Variants in ITPKB observed in about 807,000 individuals in gnomAD.
The protein encoded by ITPKB is IP3 3-kinase B.
ITPKB carries 13 observed loss-of-function variants against 69.4 expected under a neutral mutation model. The ratio of observed to expected loss-of-function variants is 0.19; its 90% CI spans 0.12 to 0.30. The LOEUF (loss-of-function observed/expected upper bound fraction) is 0.30, where lower values mean the gene tolerates loss of function less well. Ranked by LOEUF, ITPKB falls within the 10% of genes least tolerant of loss-of-function variation. The pLI is 1.00. For missense variants in ITPKB, 1,240 were observed against 1,250.5 expected (o/e 0.99, Z 0.13); for synonymous variants, 584 against 513.7 (o/e 1.14, Z -1.85).
At chr1:226,638,036 G>T (rs906781890) in intron 6 of ITPKB, among the ~76,000 whole-genome samples, 1 of 152,216 alleles carries the variant, frequency 6.6e-6, no homozygotes, top group African/African-American at 2.4e-5. Context: ...GCTGGCCTTG[G>T]GGGGTGCCCC....
chr1:226,716,430 G>A (rs1417430122), intron 2 of ITPKB, among the ~76,000 whole-genome samples: 1 of 151,788 alleles, frequency 6.6e-6, no homozygotes, highest in Admixed American at 6.6e-5. Context: ...TTTATTTGAA[G>A]TTCTAGGATA....
chr1:226,648,831 G>A, intron 2 of ITPKB, 60 bp from the exon 3 acceptor site: 2 of 1,216,878 alleles, frequency 1.6e-6, no homozygotes, highest in South Asian at 1.2e-5. Context: ...TTCTGGTTAG[G>A]ACAAATTCAA....
rs56095953 is a variant in ITPKB at position 226,735,695 on chromosome 1, G to A, written c.1764C>T (p.Ser588=). The A allele has an allele frequency of 9.9e-3, 15,802 of 1,597,684 alleles. 710 individuals are homozygous for A. Among genetic ancestry groups the A allele is most frequent in the Admixed American group, 0.097 (5,603 of 57,616 alleles). ...EDGALEETQG[S]PRGNLPLRKL... ...TCCTCAGGGGCAGGTTGCCCCGAGG[G>A]CTTCCCTGCGTCTCCTCCAAGGCCC... The change falls in exon 2 of 8, where the codon AGC becomes AGT. Residue 588 remains serine (S), a synonymous_variant. Coordinates refer to ENST00000429204, the MANE Select transcript of ITPKB (RefSeq NM_002221.4).
chr1:226,674,476 C>T (rs1245597562), intron 2 of ITPKB, among the ~76,000 whole-genome samples: 3 of 152,054 alleles, frequency 2.0e-5, no homozygotes, highest in Non-Finnish European at 2.9e-5. Flanking sequence ...GAATTACAGG[C>T]GTGAGCCACT....
intron 2 of ITPKB, among the ~76,000 whole-genome samples, chr1:226,649,643 G>A (rs1210279271): frequency 6.6e-6 from 1 of 152,210 alleles, no homozygotes; most frequent in East Asian, 1.9e-4. Context: ...GCAGAAAGGA[G>A]AACTAAGGTA....
At chr1:226,697,408 C>T (rs1337116131) in intron 2 of ITPKB, among the ~76,000 whole-genome samples, 1 of 152,122 alleles carries the variant, frequency 6.6e-6, no homozygotes, top group Non-Finnish European at 1.5e-5. Context: ...ACAGAATTTC[C>T]CCCTTTAGAC....
intron 2 of ITPKB, among the ~76,000 whole-genome samples, chr1:226,709,642 G>C (rs1344470502): frequency 6.6e-6 from 1 of 152,150 alleles, no homozygotes; most frequent in Admixed American, 6.5e-5. Flanking sequence ...ATACTTCCCT[G>C]ACCTTCCTTT....
chr1:226,668,161 A>G (rs558149975), intron 2 of ITPKB, among the ~76,000 whole-genome samples: 1 of 152,350 alleles, frequency 6.6e-6, no homozygotes, highest in East Asian at 1.9e-4. Context: ...CTTTTGTCTA[A>G]TTCTGAACAA....
intron 2 of ITPKB, among the ~76,000 whole-genome samples, chr1:226,709,401 G>A (rs540000657): frequency 6.6e-6 from 1 of 152,298 alleles, no homozygotes; most frequent in Non-Finnish European, 1.5e-5. Context: ...CCAGTGTCTG[G>A]CCTCTCCAGG....
intron 2 of ITPKB, among the ~76,000 whole-genome samples, chr1:226,682,608 T>C (rs1172948371): frequency 6.6e-6 from 1 of 152,212 alleles, no homozygotes; most frequent in Non-Finnish European, 1.5e-5. Context: ...TACAAGGTCT[T>C]CCATAAGTGA....
Position 226,637,853 on chromosome 1 carries a change from C to T in ITPKB, c.2554-103G>A, listed in dbSNP as rs775034274. On this transcript the variant is annotated intron_variant, in intron 6 of 7. Coordinates refer to ENST00000429204, the MANE Select transcript of ITPKB (RefSeq NM_002221.4). This position sits in a 1 kb window ranked among gnomAD's most constrained non-coding sequence, Gnocchi z 4.3. ...TGGTCCCTCCCGTGAATGTGCTTTA[C>T]CCTAAACGCCGGACATCTAGAGGCA... is the stretch of plus-strand genomic sequence containing the variant. 2.3e-5 allele frequency: 19 copies of T among 830,300 alleles called. 1 individual carries two copies. The highest frequency in any genetic ancestry group is 1.2e-4 in the South Asian group (8 of 68,380). 51.4% of individuals were successfully genotyped at this position (830,300 alleles called of 1,614,324 possible). A position where few individuals can be genotyped will look rare whatever the true frequency, so the allele number is the denominator to read the frequency against.
intron 2 of ITPKB, among the ~76,000 whole-genome samples, chr1:226,696,491 T>G (rs1656490031): frequency 6.6e-6 from 1 of 152,130 alleles, no homozygotes; most frequent in East Asian, 1.9e-4. Flanking sequence ...GGCCAAAACT[T>G]AGAGACGAAA....
intron 2 of ITPKB, among the ~76,000 whole-genome samples, chr1:226,711,230 C>A (rs1326690630): frequency 6.6e-6 from 1 of 152,114 alleles, no homozygotes; most frequent in South Asian, 2.1e-4. Context: ...ACACCATGTC[C>A]AAGCTGACAG....
At chr1:226,676,161 C>T (rs1283007307) in intron 2 of ITPKB, 2 of 152,146 alleles carry the variant, frequency 1.3e-5, no homozygotes, top group Admixed American at 1.3e-4. Flanking sequence ...TGTATGATGC[C>T]TTTTGTGTAC....
intron 2 of ITPKB, among the ~76,000 whole-genome samples, chr1:226,717,451 G>A (rs1657122387): frequency 6.6e-6 from 1 of 152,168 alleles, no homozygotes; most frequent in African/African-American, 2.4e-5. Context: ...CACAGGCCCA[G>A]GCTGCAGAGA....
chr1:226,700,434 A>G (rs529612083), intron 2 of ITPKB, among the ~76,000 whole-genome samples: 323 of 125,004 alleles, frequency 2.6e-3, no homozygotes, highest in Non-Finnish European at 3.9e-3. Context: ...ACGCCACGGC[A>G]CTCCAGCCTG....
rs911031763 is a variant in ITPKB at position 226,718,844 on chromosome 1, G to A, written c.1932+16683C>T. On this transcript the variant is annotated intron_variant, in intron 2 of 7. Transcript: ENST00000429204. ...TGAAATGAATGTGCAACTACTGTAC[G>A]ACCCAGCAACTGCACTCCTGAGCAT... 2.6e-5 allele frequency among the ~76,000 whole-genome samples: 4 copies of A among 152,182 alleles called. 1 individual carries two copies. Among genetic ancestry groups the A allele is most frequent in the African/African-American group, 9.7e-5 (4 of 41,436 alleles).
chr1:226,737,711 G>T, intron 1 of ITPKB, 48 bp from the exon 2 acceptor site: 2 of 513,202 alleles, frequency 3.9e-6, no homozygotes, highest in Non-Finnish European at 5.2e-6. Flanking sequence ...GGCGCGCGGG[G>T]GGAGTTGGGG....
At chr1:226,681,052 G>C (rs1656081185) in intron 2 of ITPKB, among the ~76,000 whole-genome samples, 1 of 152,102 alleles carries the variant, frequency 6.6e-6, no homozygotes, top group East Asian at 1.9e-4. Flanking sequence ...CCCTCACCTG[G>C]CAAAAATTAT....
Sources: allele counts gnomAD v4.1 joint callset (sites outside exome capture counted in the v4.1 genomes callset), GRCh38; gene constraint gnomAD v4.1.1; non-coding constraint Gnocchi (gnomAD v3.1); transcripts MANE v1.5; gene names NCBI Gene and HGNC (gene_info 2026-07-23, HGNC 2026-07-21).